Variants in MEGF11 observed in about 807,000 individuals in gnomAD.
MEGF11 encodes multiple EGF like domains 11.
A neutral mutation model predicts 146.6 loss-of-function variants in MEGF11; 126 were observed. The observed-to-expected ratio is 0.86, with a 90% CI of 0.74 to 1.00. The LOEUF is 1.00. Ranked by LOEUF, MEGF11 falls within the 50% of genes least tolerant of loss-of-function variation. The pLI, the probability that MEGF11 is intolerant of heterozygous loss-of-function variation, is 0.00. For synonymous variants in MEGF11, 532 were observed against 583.4 expected, an observed-to-expected ratio of 0.91 and a Z score of 1.27; for missense variants, 1,509 against 1,521.2, an observed-to-expected ratio of 0.99 and a Z score of 0.13.
At chr15:66,150,008 C>T (rs2089505369) in intron 1 of MEGF11, among the ~76,000 whole-genome samples, 1 of 152,226 alleles carries the variant, frequency 6.6e-6, no homozygotes, top group Non-Finnish European at 1.5e-5. Flanking sequence ...TGTCCGTTAA[C>T]AGCATCTGGC....
chr15:66,109,598 C>A (rs749860805), intron 4 of MEGF11, among the ~76,000 whole-genome samples: 1 of 152,180 alleles, frequency 6.6e-6, no homozygotes, highest in African/African-American at 2.4e-5. Flanking sequence ...GGCAAAACAA[C>A]GTGCTCGGGG....
At chr15:66,158,169 T>C (rs2089831888) in intron 1 of MEGF11, among the ~76,000 whole-genome samples, 1 of 152,198 alleles carries the variant, frequency 6.6e-6, no homozygotes, top group African/African-American at 2.4e-5. Context: ...AGGGACTAAA[T>C]GTTTAAAATC....
intron 4 of MEGF11, among the ~76,000 whole-genome samples, chr15:66,112,327 C>T (rs1016780147): frequency 6.6e-6 from 1 of 152,020 alleles, no homozygotes; most frequent in Non-Finnish European, 1.5e-5. Context: ...CGAAAAAGAA[C>T]CAATGGCACT....
chr15:66,161,132 C>T (rs2089939746), intron 1 of MEGF11, among the ~76,000 whole-genome samples: 1 of 152,178 alleles, frequency 6.6e-6, no homozygotes, highest in African/African-American at 2.4e-5. Context: ...AAAGTAGAAG[C>T]TCACAAGATC....
chr15:66,070,914 A>G (rs1233139371), intron 5 of MEGF11, among the ~76,000 whole-genome samples: 2 of 152,200 alleles, frequency 1.3e-5, no homozygotes, highest in Non-Finnish European at 2.9e-5. Context: ...TTATAGGAAC[A>G]TATTAAAGGG....
At chr15:66,227,719 C>T (rs970667757) in intron 1 of MEGF11, among the ~76,000 whole-genome samples, 3 of 152,216 alleles carry the variant, frequency 2.0e-5, no homozygotes, top group Non-Finnish European at 4.4e-5. Flanking sequence ...GCCATGGAAG[C>T]GCCGGGCTTC....
Position 65,929,835 on chromosome 15 carries a change from C to T in MEGF11, c.1457G>A (p.Gly486Asp). The T allele has an allele frequency of 6.3e-7, 1 of 1,592,618 alleles. No individual in the cohort carries two copies. Among genetic ancestry groups the T allele is most frequent in the Non-Finnish European group, 8.5e-7 (1 of 1,169,754 alleles). Residue 486 changes from glycine to aspartate, a missense_variant, in exon 12 of 26, where the codon GGC becomes GAC. Physicochemically the swap from Gly to Asp is moderately conservative, Grantham distance 94 (BLOSUM62 -1). Transcript: ENST00000395614. Reference protein sequence around the residue: ...CTLPCPSGTWGLNCNESCTCA... With the variant: ...CTLPCPSGTWDLNCNESCTCA... ...GGTGCAGCTCTCGTTGCAGTTCAGG[C>T]CCCACGTCCCACTGGGACATGGCAG...
chr15:65,922,511 G>C (rs2079209359), intron 14 of MEGF11, 39 bp from the exon 15 acceptor site: 1 of 1,510,214 alleles, frequency 6.6e-7, no homozygotes, highest in Admixed American at 2.3e-5. Flanking sequence ...CAGCCCAAGA[G>C]ACCCCAGCCA....
chr15:66,081,465 G>A (rs1336588018), intron 5 of MEGF11, among the ~76,000 whole-genome samples: 3 of 152,058 alleles, frequency 2.0e-5, no homozygotes, highest in Non-Finnish European at 2.9e-5. Flanking sequence ...TGCAACCTCC[G>A]CCTCCCGGGT....
chr15:66,066,519 G>A (rs931511817), intron 5 of MEGF11, among the ~76,000 whole-genome samples: 3 of 152,154 alleles, frequency 2.0e-5, no homozygotes, highest in Admixed American at 6.5e-5. Flanking sequence ...CATTATAACC[G>A]AGCACCAAGC....
At chr15:65,966,123 G>A (rs1412318751) in intron 8 of MEGF11, among the ~76,000 whole-genome samples, 1 of 152,130 alleles carries the variant, frequency 6.6e-6, no homozygotes, top group African/African-American at 2.4e-5. Flanking sequence ...AGCCTCCCGA[G>A]TAGCTGGGAC....
intron 18 of MEGF11, among the ~76,000 whole-genome samples, chr15:65,915,881 A>G (rs1286426647): frequency 6.6e-6 from 1 of 151,670 alleles, no homozygotes; most frequent in Non-Finnish European, 1.5e-5. Context: ...TTTAAAGAAT[A>G]ATAAAAAAAA....
At chr15:66,181,391 C>G (rs2090543519) in intron 1 of MEGF11, among the ~76,000 whole-genome samples, 1 of 152,098 alleles carries the variant, frequency 6.6e-6, no homozygotes, top group African/African-American at 2.4e-5. Flanking sequence ...GTTCACAGAA[C>G]AGTAAGATTT....
chr15:66,085,607 A>C (rs546834432), intron 5 of MEGF11, among the ~76,000 whole-genome samples: 2 of 152,366 alleles, frequency 1.3e-5, no homozygotes, highest in Admixed American at 1.3e-4. Flanking sequence ...ACAGGAAGCC[A>C]CATCCATAGG....
rs530308873 is a variant in MEGF11, at chr15:65,903,971, C to T, written c.3055+2114G>A. Among the ~76,000 whole-genome samples, 11 of 152,324 alleles carry T rather than the reference C, an allele frequency of 7.2e-5. No homozygotes were observed. In the South Asian group the frequency reaches 1.9e-3, roughly 26 times the overall value. On this transcript the variant is annotated intron_variant, in intron 24 of 25. Transcript: ENST00000395614. ...GCCAGAGTGGTAAAATAAGATCTGG[C>T]TGGCTGCCTGCTGAGCCCTCGCCTG...
At chr15:65,983,882 A>G (rs553291027) in intron 5 of MEGF11, among the ~76,000 whole-genome samples, 1 of 152,346 alleles carries the variant, frequency 6.6e-6, no homozygotes, top group Non-Finnish European at 1.5e-5. Flanking sequence ...CAAGGGTACA[A>G]GGTTCCAGTG....
chr15:66,115,043 G>C (rs2087653322), intron 4 of MEGF11, among the ~76,000 whole-genome samples: 1 of 152,226 alleles, frequency 6.6e-6, no homozygotes, highest in African/African-American at 2.4e-5. Flanking sequence ...TGGTGGCTGA[G>C]TCAGCCAAGG....
intron 5 of MEGF11, among the ~76,000 whole-genome samples, chr15:66,070,848 G>A (rs1222837723): frequency 1.3e-5 from 2 of 152,140 alleles, no homozygotes; most frequent in Non-Finnish European, 2.9e-5. Context: ...GTGCTTCATA[G>A]TATTCATATC....
chr15:65,979,122 G>A (rs2081549517), intron 7 of MEGF11, among the ~76,000 whole-genome samples: 1 of 152,138 alleles, frequency 6.6e-6, no homozygotes, highest in Non-Finnish European at 1.5e-5. Context: ...GTGAAACACA[G>A]AAGGAAGTCC....
Sources: gnomAD v4.1 joint callset for allele counts (sites outside exome capture counted in the v4.1 genomes callset) on GRCh38, gnomAD v4.1.1 for gene constraint, MANE v1.5 for transcripts, NCBI Gene and HGNC (gene_info 2026-07-23, HGNC 2026-07-21) for gene names.